The following OR1F1 variants were observed in gnomAD, a reference collection of about 807,000 sequenced individuals.
OR1F1 encodes the protein olfactory receptor family 1 subfamily F member 1.
For missense variants in OR1F1, 493 were observed against 376.3 expected (o/e 1.31, Z -2.57); for synonymous variants, 184 against 156.7 (o/e 1.17, Z -1.30).
chr16:3,206,500 C>T (rs752079523), downstream of OR1F1, among the ~76,000 whole-genome samples: 23 of 152,276 alleles, frequency 1.5e-4, no homozygotes, highest in African/African-American at 4.1e-4. Flanking sequence ...CCTGGTTTTG[C>T]GGCTCAGGTG....
chr16:3,205,105 C>T, exon 1 of OR1F1: 1 of 1,614,022 alleles, frequency 6.2e-7, no homozygotes. Flanking sequence ...CATGCTAAAC[C>T]CTTTCATCTA....
At chr16:3,204,780 C>A (rs771467104) in exon 1 of OR1F1, 1 of 1,614,198 alleles carries the variant, frequency 6.2e-7, no homozygotes, top group East Asian at 2.2e-5. Context: ...CTCACTTCTT[C>A]TGCGATGTGA....
At chr16:3,198,501 T>C in the OR1F1 span, among the ~76,000 whole-genome samples, 10 of 152,212 alleles carry the variant, frequency 6.6e-5, no homozygotes, top group African/African-American at 2.4e-4. Flanking sequence ...ATCAACACAG[T>C]TCTGTACAGA....
In OR1F1 at chr16:3,204,372, C is replaced by A. The variant is rs574070012; in HGVS notation, c.126C>A (p.Asn42Lys). 42 of 1,614,076 alleles carry A rather than the reference C, an allele frequency of 2.6e-5. 1 individual carries two copies. The highest frequency in any genetic ancestry group is 1.8e-4 in the East Asian group (8 of 44,888). Residue 42 changes from asparagine to lysine, a missense_variant, in exon 1 of 1, where the codon AAC becomes AAA. Transcript: ENST00000304646. ...TGTACCTGGCCACTGTCCTGGGGAA[C>A]CTGCTCATCATCCTGTCCGTAAGCA...
At chr16:3,200,097 C>T (rs1238602498), upstream of OR1F1, among the ~76,000 whole-genome samples, 1 of 151,888 alleles carries the variant, frequency 6.6e-6, no homozygotes, top group African/African-American at 2.4e-5. Flanking sequence ...GGGCAGGCCG[C>T]TTGTAAGAAT....
chr16:3,205,097 T>G (rs748708233), exon 1 of OR1F1: 1 of 1,614,066 alleles, frequency 6.2e-7, no homozygotes. Context: ...GTGACTCCCA[T>G]GCTAAACCCT....
At chr16:3,204,777 C>G in exon 1 of OR1F1, 1 of 1,614,202 alleles carries the variant, frequency 6.2e-7, no homozygotes, top group South Asian at 1.1e-5. Flanking sequence ...TCACTCACTT[C>G]TTCTGCGATG....
At chr16:3,201,997 G>A (rs576661469), upstream of OR1F1, among the ~76,000 whole-genome samples, 1 of 152,338 alleles carries the variant, frequency 6.6e-6, no homozygotes, top group East Asian at 1.9e-4. Flanking sequence ...CTCTGCAGGA[G>A]CAGTCAGGCA....
At chr16:3,198,922 A>G in the OR1F1 span, among the ~76,000 whole-genome samples, 1 of 151,296 alleles carries the variant, frequency 6.6e-6, no homozygotes, top group East Asian at 2.0e-4. Context: ...ACTCCTCGGC[A>G]CTCCAGCTTA....
chr16:3,204,890 T>G, exon 1 of OR1F1: 1 of 1,614,192 alleles, frequency 6.2e-7, no homozygotes, highest in Non-Finnish European at 8.5e-7. Context: ...CTTTGCATCC[T>G]GGCTTCTTAT....
the OR1F1 span, among the ~76,000 whole-genome samples, chr16:3,189,030 G>A: frequency 2.0e-5 from 3 of 152,130 alleles, no homozygotes; most frequent in African/African-American, 7.2e-5. Flanking sequence ...TGGTTCAGTC[G>A]ATGGAGAAAA....
downstream of OR1F1, among the ~76,000 whole-genome samples, chr16:3,206,171 T>C (rs1314437920): frequency 1.3e-5 from 2 of 152,174 alleles, no homozygotes; most frequent in Non-Finnish European, 2.9e-5. Flanking sequence ...AGGACTGAAA[T>C]ATGCCCTGGT....
the OR1F1 span, among the ~76,000 whole-genome samples, chr16:3,190,543 G>C: frequency 2.0e-5 from 3 of 152,130 alleles, no homozygotes; most frequent in African/African-American, 7.2e-5. Flanking sequence ...CTGATGTCAG[G>C]AGATTGAGAC....
the OR1F1 span, among the ~76,000 whole-genome samples, chr16:3,195,359 G>A: frequency 1.3e-5 from 2 of 152,218 alleles, no homozygotes; most frequent in Non-Finnish European, 2.9e-5. Context: ...CGACTTGTGT[G>A]CGGGTTAAAC....
the OR1F1 span, among the ~76,000 whole-genome samples, chr16:3,191,719 G>A: frequency 5.3e-5 from 8 of 152,158 alleles, no homozygotes; most frequent in African/African-American, 1.7e-4. Context: ...AGGATTGTCA[G>A]TGAAATGACC....
At chr16:3,200,515 G>A (rs1161548983), upstream of OR1F1, among the ~76,000 whole-genome samples, 1 of 152,218 alleles carries the variant, frequency 6.6e-6, no homozygotes, top group African/African-American at 2.4e-5. Context: ...GCTGAGGCAG[G>A]AGAATGGCGT....
the OR1F1 span, among the ~76,000 whole-genome samples, chr16:3,192,795 C>T: frequency 4.6e-5 from 7 of 150,560 alleles, no homozygotes; most frequent in Non-Finnish European, 1.0e-4. Context: ...CCCTGGGGTG[C>T]GGCCCGGGAG....
At chr16:3,206,066 A>G (rs190565756), downstream of OR1F1, among the ~76,000 whole-genome samples, 76 of 152,318 alleles carry the variant, frequency 5.0e-4, no homozygotes, top group African/African-American at 1.6e-3. Flanking sequence ...CTAGCAAGGA[A>G]TGTTAATAAT....
At chr16:3,198,706 G>A in the OR1F1 span, among the ~76,000 whole-genome samples, 1 of 152,276 alleles carries the variant, frequency 6.6e-6, no homozygotes, top group Admixed American at 6.5e-5. Context: ...AGAAATCACA[G>A]CGGTGGACGC....
Sources: allele counts gnomAD v4.1 joint callset (sites outside exome capture counted in the v4.1 genomes callset), GRCh38; gene constraint gnomAD v4.1.1; transcripts MANE v1.5; gene names NCBI Gene and HGNC (gene_info 2026-07-23, HGNC 2026-07-21).